The following SLC35G1 variants were observed in gnomAD, a reference collection of about 807,000 sequenced individuals.
The protein encoded by SLC35G1 is solute carrier family 35 member G1.
SLC35G1 carries 10 observed loss-of-function variants against 17.1 expected under a neutral mutation model. The observed-to-expected ratio is 0.59, with a 90% confidence interval of 0.36 to 0.99. SLC35G1 has a LOEUF of 0.99. SLC35G1 is among the 50% of genes least tolerant of loss of function. SLC35G1 has a pLI of 0.01. For synonymous variants in SLC35G1, 185 were observed against 181.1 expected (o/e 1.02, Z -0.18); for missense variants, 433 against 468.4 (o/e 0.92, Z 0.70).
In SLC35G1 at chr10:93,893,989, C is replaced by T. The variant is rs1039361529; in HGVS notation, c.-45C>T. On this transcript the variant is annotated 5_prime_UTR_variant, in exon 1 of 3. Transcript: ENST00000427197. ...AAGAGCGGCAGCCCAGGCGCTGCTG[C>T]TGGCGCCAGACGGCACCGGCCGCTG... The T allele has an allele frequency of 2.6e-5, 35 of 1,329,356 alleles. No individual in the cohort carries two copies. The highest frequency in any genetic ancestry group is 3.3e-5 in the Non-Finnish European group (34 of 1,043,104). 82.3% of individuals were successfully genotyped at this position (1,329,356 alleles called of 1,614,324 possible). A position where few individuals can be genotyped will look rare whatever the true frequency, so the allele number is the denominator to read the frequency against.
rs954026336 is a variant in SLC35G1, at chr10:93,902,279, C to T, written c.*789C>T. ...ACTGCACTAAATTTTTCTTAACATT[C>T]CAAGATTTCAGATCTCTAAATCACA... On this transcript the variant is annotated 3_prime_UTR_variant, in exon 3 of 3. Transcript: ENST00000427197. 1 of 152,522 alleles carries T rather than the reference C, an allele frequency of 6.6e-6. No homozygotes were observed. The highest frequency in any genetic ancestry group is 1.5e-5 in the Non-Finnish European group (1 of 68,010). The allele number at this position is 152,522 out of a possible 1,614,324, so 9.4% of individuals were successfully genotyped here. A position where few individuals can be genotyped will look rare whatever the true frequency, so the allele number is the denominator to read the frequency against.
At chr10:93,907,915 CA>C (rs1315697446), downstream of SLC35G1, 1 of 152,158 alleles carries the variant, frequency 6.6e-6, no homozygotes, top group Non-Finnish European at 1.5e-5. Context: ...TACATATATA[CA>C]TTATGTCATA....
rs1405008284 is a variant in SLC35G1 at position 93,900,972 on chromosome 10, A to G, written c.580A>G (p.Ile194Val). ...PWDALFTVFT[I>V]TGVILIVRPP... ...GGATGCTCTTTTCACCGTGTTCACAATCACTGGAGTGATCCTTATCGTGAG... is the reference window on the plus strand; with the variant it reads ...GGATGCTCTTTTCACCGTGTTCACAGTCACTGGAGTGATCCTTATCGTGAG... Residue 194 changes from isoleucine to valine, a missense_variant, in exon 3 of 3, where the codon ATC (isoleucine) becomes GTC (valine). By Grantham distance (29) the Ile-to-Val change is conservative. Transcript: ENST00000427197. 6 of 1,614,076 alleles carry G rather than the reference A, an allele frequency of 3.7e-6. No homozygotes were observed. The highest frequency in any genetic ancestry group is 5.1e-6 in the Non-Finnish European group (6 of 1,179,980).
exon 3 of SLC35G1, chr10:93,909,341 T>C (rs570359124): frequency 1.6e-4 from 24 of 152,196 alleles, no homozygotes; most frequent in African/African-American, 5.8e-4. Flanking sequence ...ACTATTCTGC[T>C]TACCCTAAGC....
chr10:93,894,186 G>A lies in SLC35G1; in HGVS notation c.153G>A (p.Ser51=), dbSNP rs1452577488. Residue 51 remains serine, a synonymous_variant, in exon 1 of 3, where the codon TCG becomes TCA. Coordinates refer to ENST00000427197, the MANE Select transcript of SLC35G1 (RefSeq NM_001134658.3). ...DRGRCWLCLS[S]PCCSRTEPEA... ...GTAGGTGCTGGCTCTGCCTTTCCTC[G>A]CCGTGTTGCTCCCGCACCGAGCCGG... 3 of 1,441,834 alleles carry A rather than the reference G, an allele frequency of 2.1e-6. No homozygotes were observed. Among genetic ancestry groups the A allele is most frequent in the Non-Finnish European group, 2.7e-6 (3 of 1,103,296 alleles). The allele number at this position is 1,441,834 out of a possible 1,614,324, so 89.3% of individuals were successfully genotyped here. A position where few individuals can be genotyped will look rare whatever the true frequency, so the allele number is the denominator to read the frequency against.
At chr10:93,905,434 C>T (rs2060422443), downstream of SLC35G1, among the ~76,000 whole-genome samples, 2 of 152,136 alleles carry the variant, frequency 1.3e-5, no homozygotes, top group Admixed American at 1.3e-4. Context: ...CCATATTCAC[C>T]TAGAATTCTG....
chr10:93,903,276 ATATCT>A lies in SLC35G1; in HGVS notation c.*1789_*1793del, dbSNP rs1457340585. The A allele has an allele frequency of 1.3e-5, 2 of 152,184 alleles. No individual in the cohort carries two copies. Among genetic ancestry groups the A allele is most frequent in the African/African-American group, 2.4e-5 (1 of 41,448 alleles). The allele number at this position is 152,184 out of a possible 1,614,324, so 9.4% of individuals were successfully genotyped here. On this transcript the variant is annotated 3_prime_UTR_variant, in exon 3 of 3. Transcript: ENST00000427197. ...GACTTGCAAAAACATCATTCTGCAA[ATATCT>A]TAGATAATTACAGAATCAGGAGCAT...
At chr10:93,903,988 G>A (rs745503127), downstream of SLC35G1, among the ~76,000 whole-genome samples, 34 of 152,086 alleles carry the variant, frequency 2.2e-4, no homozygotes, top group Non-Finnish European at 4.4e-4. Context: ...AGGGTCAGAT[G>A]AACAGTGTAA....
chr10:93,899,994 C>T lies in SLC35G1; in HGVS notation c.360-758C>T, dbSNP rs566990490. Reference sequence around the variant, plus strand: ...TTAACTCCAAGATACCCGGGGTAGCCTAGATGATAATCTAATGAAGTCTAG... The same window carrying T: ...TTAACTCCAAGATACCCGGGGTAGCTTAGATGATAATCTAATGAAGTCTAG... On this transcript the variant is annotated intron_variant, in intron 2 of 2. Coordinates refer to ENST00000427197, the MANE Select transcript of SLC35G1 (RefSeq NM_001134658.3). Among the ~76,000 whole-genome samples, 194 of 152,244 alleles carry T rather than the reference C, an allele frequency of 1.3e-3. 2 individuals carry two copies. The highest frequency in any genetic ancestry group is 2.5e-3 in the South Asian group (12 of 4,830).
intron 1 of SLC35G1, 147 bp downstream of exon 1, chr10:93,894,358 C>A: frequency 1.3e-6 from 1 of 793,942 alleles, no homozygotes; most frequent in Non-Finnish European, 1.8e-6. Flanking sequence ...CTCGAGCTGT[C>A]AGCTGGGGGG....
chr10:93,902,297 A>G lies in SLC35G1; in HGVS notation c.*807A>G, dbSNP rs1461938753. The G allele has an allele frequency of 1.3e-5, 2 of 152,602 alleles. No homozygotes were observed. Among genetic ancestry groups the G allele is most frequent in the Non-Finnish European group, 2.9e-5 (2 of 68,022 alleles). 9.5% of individuals were successfully genotyped at this position (152,602 alleles called of 1,614,324 possible). A position where few individuals can be genotyped will look rare whatever the true frequency, so the allele number is the denominator to read the frequency against. On this transcript the variant is annotated 3_prime_UTR_variant, in exon 3 of 3. Coordinates refer to ENST00000427197, the MANE Select transcript of SLC35G1 (RefSeq NM_001134658.3). ...TAACATTCCAAGATTTCAGATCTCTAAATCACAAAGAGAAATCTTGGCATG... is the reference window on the plus strand; with the variant it reads ...TAACATTCCAAGATTTCAGATCTCTGAATCACAAAGAGAAATCTTGGCATG...
Position 93,901,544 on chromosome 10 carries a change from A to G in SLC35G1, c.*54A>G, listed in dbSNP as rs1323507163. The G allele has an allele frequency of 2.8e-5, 42 of 1,524,756 alleles. No homozygotes were observed. Among genetic ancestry groups the G allele is most frequent in the Non-Finnish European group, 2.7e-5 (31 of 1,138,136 alleles). 94.5% of individuals were successfully genotyped at this position (1,524,756 alleles called of 1,614,324 possible). ...TCAAGTACACCATCACCTAATTCAC[A>G]TACAGCATACGCACACATCTGGAAA... is the stretch of plus-strand genomic sequence containing the variant. On this transcript the variant is annotated 3_prime_UTR_variant, in exon 3 of 3. Transcript: ENST00000427197.
intron 1 of SLC35G1, among the ~76,000 whole-genome samples, chr10:93,894,607 G>T (rs1480816410): frequency 6.6e-6 from 1 of 152,076 alleles, no homozygotes; most frequent in African/African-American, 2.4e-5. Flanking sequence ...TGATCCCGGT[G>T]GTTAAGGGTT....
chr10:93,905,488 C>T (rs892048619), downstream of SLC35G1, among the ~76,000 whole-genome samples: 4 of 152,138 alleles, frequency 2.6e-5, no homozygotes, highest in South Asian at 2.1e-4. Flanking sequence ...GATGGATCCA[C>T]GGTTTAGCCT....
In SLC35G1 at chr10:93,902,543, A is replaced by G. The variant is rs2060399027; in HGVS notation, c.*1053A>G. On this transcript the variant is annotated 3_prime_UTR_variant, in exon 3 of 3. Transcript: ENST00000427197. ...GATACCTCCATTATTCTCTAAATGA[A>G]ATAGAAGACTTTGGAGTATATGTTT... 6.6e-6 allele frequency: 1 copy of G among 152,618 alleles called. No individual in the cohort carries two copies. Among genetic ancestry groups the G allele is most frequent in the Admixed American group, 6.5e-5 (1 of 15,272 alleles). 9.5% of individuals were successfully genotyped at this position (152,618 alleles called of 1,614,324 possible). A position where few individuals can be genotyped will look rare whatever the true frequency, so the allele number is the denominator to read the frequency against.
At chr10:93,907,795 C>CAAAATAAAATAAAATAAAAT (rs72348488), downstream of SLC35G1, 54 of 150,186 alleles carry the variant, frequency 3.6e-4, no homozygotes, top group African/African-American at 1.3e-3. Context: ...ATAACTTAGT[C>CAAAATAAAATAAAATAAAAT]AAAATAAAAT....
At chr10:93,900,568 A>T (rs2060373204) in intron 2 of SLC35G1, among the ~76,000 whole-genome samples, 184 bp from the exon 3 acceptor site, 1 of 152,152 alleles carries the variant, frequency 6.6e-6, no homozygotes. Flanking sequence ...TACTGTCATT[A>T]ACTATACTTA....
chr10:93,894,723 C>T (rs1262093687), intron 1 of SLC35G1, among the ~76,000 whole-genome samples: 1 of 152,074 alleles, frequency 6.6e-6, no homozygotes, highest in Non-Finnish European at 1.5e-5. Flanking sequence ...AGTTTTTAAC[C>T]TTTAGGGATA....
rs2060381167 is a variant in SLC35G1, at chr10:93,901,230, T to TA, written c.839dup (p.Tyr280Ter). The change falls in exon 3 of 3, where the codon TAC becomes TAAC. Residue 280 changes from tyrosine (Y) to a stop codon, truncating the protein, a stop_gained and frameshift_variant. Transcript: ENST00000427197. LOFTEE classifies it high-confidence loss of function. ...TGTATTAGGAGAGTGGAGTCTGCCT[T>TA]ACTGTGGGTTGGACAGGCTATTTCT... The part of the protein sequence containing the change: ...LSVLGEWSLP[Y>*]CGLDRLFLIF... The TA allele has an allele frequency of 1.9e-6, 3 of 1,613,962 alleles. No individual in the cohort carries two copies. Among genetic ancestry groups the TA allele is most frequent in the Non-Finnish European group, 2.5e-6 (3 of 1,179,952 alleles).
Sources: gnomAD v4.1 joint callset for allele counts (sites outside exome capture counted in the v4.1 genomes callset) on GRCh38, gnomAD v4.1.1 for gene constraint, MANE v1.5 for transcripts, NCBI Gene and HGNC (gene_info 2026-07-23, HGNC 2026-07-21) for gene names.